The following NELL2 variants were observed in gnomAD, a reference collection of about 807,000 sequenced individuals.
NELL2 encodes protein kinase C-binding protein NELL2.
In NELL2, 41 loss-of-function variants were observed where a neutral mutation model predicts 109.6. The ratio of observed to expected loss-of-function variants is 0.37; its 90% CI spans 0.29 to 0.49. The LOEUF (loss-of-function observed/expected upper bound fraction) is 0.49. NELL2 is among the 20% of genes least tolerant of loss of function. NELL2 has a pLI of 0.98. For missense variants in NELL2, 900 were observed against 1,008.3 expected, an observed-to-expected ratio of 0.89 and a Z score of 1.45; for synonymous variants, 355 against 344.7, an observed-to-expected ratio of 1.03 and a Z score of -0.33.
chr12:44,755,513 C>T (rs1940851525), intron 9 of NELL2, among the ~76,000 whole-genome samples: 1 of 151,470 alleles, frequency 6.6e-6, no homozygotes, highest in African/African-American at 2.4e-5. Context: ...TATCCTGCAC[C>T]CTGGCCTTTT....
chr12:44,665,407 A>C (rs1221274678), intron 13 of NELL2, 77 bp downstream of exon 13: 17 of 1,321,750 alleles, frequency 1.3e-5, no homozygotes, highest in Non-Finnish European at 1.7e-5. Context: ...CTTATCAAAA[A>C]AATGAGAGTC....
intron 2 of NELL2, 49 bp from the exon 3 acceptor site, chr12:44,816,185 G>T: frequency 6.8e-7 from 1 of 1,472,414 alleles, no homozygotes; most frequent in Non-Finnish European, 9.1e-7. Context: ...TTGATTTTAT[G>T]AAGTATCTTT....
chr12:44,857,781 G>A (rs1944725809), intron 2 of NELL2, among the ~76,000 whole-genome samples: 1 of 152,130 alleles, frequency 6.6e-6, no homozygotes, highest in African/African-American at 2.4e-5. Flanking sequence ...GGCACAACAA[G>A]GCAGATTAAA....
intron 1 of NELL2, among the ~76,000 whole-genome samples, chr12:44,907,955 C>A (rs146016100): frequency 1.1e-3 from 161 of 152,016 alleles, no homozygotes; most frequent in African/African-American, 3.6e-3. Flanking sequence ...GGCAGAAGGT[C>A]ATTAAATGTG....
chr12:44,529,223 C>T (rs1186818550), intron 16 of NELL2, among the ~76,000 whole-genome samples: 1 of 151,860 alleles, frequency 6.6e-6, no homozygotes. Context: ...GGTGGTCAGA[C>T]TGGGAATATA....
At chr12:44,797,652 G>T (rs549519967) in intron 3 of NELL2, among the ~76,000 whole-genome samples, 1 of 151,374 alleles carries the variant, frequency 6.6e-6, no homozygotes, top group Admixed American at 6.6e-5. Flanking sequence ...AAAGGATGAG[G>T]AAGAAAATTA....
At chr12:44,633,790 CT>C (rs944163919) in intron 13 of NELL2, among the ~76,000 whole-genome samples, 8 of 151,972 alleles carry the variant, frequency 5.3e-5, no homozygotes, top group African/African-American at 4.8e-5. Context: ...AATATCCAAC[CT>C]TTTTTTGGTG....
rs144528117 is a variant in NELL2, at chr12:44,664,829, A to ATGTTTTGTTT, written c.1444+645_1444+654dup. On this transcript the variant is annotated intron_variant, in intron 13 of 19. Transcript: ENST00000429094. ...GTATTCAAGCTACTCTTCTAGCATC[A>ATGTTTTGTTT]TGTTTTGTTTTGTTTTGTTTTGTTT... is the stretch of plus-strand genomic sequence containing the variant. 4.4e-3 allele frequency among the ~76,000 whole-genome samples: 662 copies of ATGTTTTGTTT among 151,926 alleles called. 5 individuals carry two copies. Among genetic ancestry groups the ATGTTTTGTTT allele is most frequent in the African/African-American group, 0.015 (627 of 41,450 alleles).
At chr12:44,655,636 A>G (rs1435724000) in intron 13 of NELL2, among the ~76,000 whole-genome samples, 1 of 152,224 alleles carries the variant, frequency 6.6e-6, no homozygotes, top group Admixed American at 6.5e-5. Flanking sequence ...TTTTCCAAAC[A>G]TTAACCCTTC....
At chr12:44,736,158 G>A (rs1001904735) in intron 9 of NELL2, among the ~76,000 whole-genome samples, 12 of 151,648 alleles carry the variant, frequency 7.9e-5, no homozygotes, top group African/African-American at 2.2e-4. Flanking sequence ...CTACAGGCGC[G>A]CGCCACCATG....
chr12:44,685,279 C>A (rs955837174), intron 12 of NELL2, among the ~76,000 whole-genome samples: 1 of 151,936 alleles, frequency 6.6e-6, no homozygotes, highest in Non-Finnish European at 1.5e-5. Context: ...AGATCTTCCT[C>A]CATCCTTTTA....
intron 13 of NELL2, among the ~76,000 whole-genome samples, chr12:44,655,615 G>A (rs890681358): frequency 1.3e-5 from 2 of 152,198 alleles, no homozygotes; most frequent in Admixed American, 1.3e-4. Flanking sequence ...TTTTCTAAAT[G>A]TGGCCTGAAG....
intron 15 of NELL2, among the ~76,000 whole-genome samples, chr12:44,598,884 C>T (rs1945077545): frequency 8.1e-6 from 1 of 123,208 alleles, no homozygotes; most frequent in South Asian, 2.4e-4. Flanking sequence ...CACACACACA[C>T]TCTCTCTCTC....
intron 15 of NELL2, among the ~76,000 whole-genome samples, chr12:44,546,802 A>T (rs1461721802): frequency 6.6e-6 from 1 of 152,216 alleles, no homozygotes; most frequent in East Asian, 1.9e-4. Flanking sequence ...TGAGTATTTG[A>T]TCTTACAGAC....
chr12:44,717,540 G>C (rs955433510), intron 9 of NELL2, among the ~76,000 whole-genome samples: 2 of 152,072 alleles, frequency 1.3e-5, no homozygotes, highest in Non-Finnish European at 2.9e-5. Flanking sequence ...GAGACCGAAC[G>C]AACTTCTAAG....
Position 44,886,143 on chromosome 12 carries a change from GGAAGAA to G in NELL2, c.39-10249_39-10244del, listed in dbSNP as rs768923502. Among the ~76,000 whole-genome samples the G allele has an allele frequency of 6.2e-3, 902 of 144,390 alleles. 6 individuals are homozygous for G. Among genetic ancestry groups the G allele is most frequent in the East Asian group, 0.02 (96 of 4,890 alleles). The allele number at this position is 144,390 out of a possible 152,430, so 94.7% of individuals were successfully genotyped here. On this transcript the variant is annotated intron_variant, in intron 1 of 20. Coordinates refer to the NELL2 transcript ENST00000333837. ...AGGAAGGAAGGAAGGAAGGAAGGAA[GGAAGAA>G]AGGGAGAGAATCCTCATCTTATCTT...
In NELL2 at chr12:44,602,487, C is replaced by T. The variant is rs748658677; in HGVS notation, c.1663+4682G>A. 3.9e-5 allele frequency among the ~76,000 whole-genome samples: 6 copies of T among 152,136 alleles called. No individual in the cohort carries two copies. In the South Asian group the frequency reaches 8.3e-4, roughly 21 times the overall value. ...TGTGTACATGAAATTTGCATTTGTT[C>T]AGATAAAGCAGAATAAATTCAAAAT... On this transcript the variant is annotated intron_variant, in intron 15 of 19. Transcript: ENST00000429094.
intron 13 of NELL2, among the ~76,000 whole-genome samples, chr12:44,620,218 T>C (rs770201437): frequency 2.0e-5 from 3 of 151,898 alleles, no homozygotes; most frequent in Non-Finnish European, 4.4e-5. Context: ...ACTCTATTGA[T>C]GGTGATCATA....
intron 1 of NELL2, among the ~76,000 whole-genome samples, chr12:44,919,836 T>C (rs530425314): frequency 6.6e-6 from 1 of 152,340 alleles, no homozygotes; most frequent in South Asian, 2.1e-4. Flanking sequence ...TGCTTTGCCA[T>C]GGCTGCCCTA....
Sources: gnomAD v4.1 joint callset for allele counts (sites outside exome capture counted in the v4.1 genomes callset) on GRCh38, gnomAD v4.1.1 for gene constraint, MANE v1.5 for transcripts, NCBI Gene and HGNC (gene_info 2026-07-23, HGNC 2026-07-21) for gene names.